SPDYA: variants seen among roughly 807,000 people sequenced by gnomAD.
SPDYA encodes the protein speedy/RINGO cell cycle regulator family member A.
SPDYA carries 11 observed loss-of-function variants against 36.7 expected under a neutral mutation model. The ratio of observed to expected loss-of-function variants is 0.30; its 90% CI spans 0.19 to 0.50. The LOEUF (loss-of-function observed/expected upper bound fraction) is 0.50, where lower values mean the gene tolerates loss of function less well. Ranked by LOEUF, SPDYA falls within the 20% of genes least tolerant of loss-of-function variation. The pLI, the probability that SPDYA is intolerant of heterozygous loss-of-function variation, is 0.98. For synonymous variants in SPDYA, 115 were observed against 118.7 expected (o/e 0.97, Z 0.20); for missense variants, 287 against 370.9 (o/e 0.77, Z 1.86).
intron 1 of SPDYA, among the ~76,000 whole-genome samples, chr2:28,812,469 A>AAAAG (rs70956046): frequency 0.5 from 74,663 of 149,104 alleles, 19,313 homozygotes; most frequent in Middle Eastern, 0.6. Context: ...TACCAAAAAA[A>AAAAG]AAAGAAAGAA....
chr2:28,844,729 T>C (rs1169210088), intron 7 of SPDYA, among the ~76,000 whole-genome samples: 2 of 151,688 alleles, frequency 1.3e-5, no homozygotes, highest in African/African-American at 2.4e-5. Flanking sequence ...AGGTCAGGAG[T>C]TCGAGATCAG....
At chr2:28,835,498 G>GTA (rs1668573652) in intron 6 of SPDYA, among the ~76,000 whole-genome samples, 1 of 152,084 alleles carries the variant, frequency 6.6e-6, no homozygotes, top group Non-Finnish European at 1.5e-5. Context: ...CAGCCTCCCA[G>GTA]AGTGCTGGGA....
At chr2:28,833,777 A>G (rs1362766405) in intron 6 of SPDYA, among the ~76,000 whole-genome samples, 5 of 152,176 alleles carry the variant, frequency 3.3e-5, no homozygotes, top group Non-Finnish European at 7.4e-5. Flanking sequence ...AGAAGAAAAC[A>G]TAGGGGTAAG....
intron 7 of SPDYA, among the ~76,000 whole-genome samples, chr2:28,849,054 A>AAC (rs1215024990): frequency 2.0e-5 from 3 of 151,998 alleles, no homozygotes. Context: ...CAAAAAAAAA[A>AAC]ACACACACAC....
chr2:28,829,923 GAC>G (rs1385450626), intron 6 of SPDYA, among the ~76,000 whole-genome samples: 2 of 123,038 alleles, frequency 1.6e-5, no homozygotes, highest in Non-Finnish European at 3.3e-5. Context: ...CAGCCTGGGC[GAC>G]AGAGCGAGAC....
chr2:28,827,220 G>A (rs1463862930), intron 5 of SPDYA, among the ~76,000 whole-genome samples: 14 of 151,990 alleles, frequency 9.2e-5, no homozygotes, highest in African/African-American at 3.1e-4. Context: ...GATTACAGGC[G>A]TGAGCCACCG....
intron 6 of SPDYA, among the ~76,000 whole-genome samples, chr2:28,838,095 T>C (rs1159503588): frequency 6.6e-6 from 1 of 151,914 alleles, no homozygotes; most frequent in African/African-American, 2.4e-5. Context: ...ATTGGGGGAC[T>C]GAAAGTGACC....
At chr2:28,840,059 T>C (rs1202794517) in intron 6 of SPDYA, 113 bp from the exon 7 acceptor site, 6 of 990,266 alleles carry the variant, frequency 6.1e-6, no homozygotes, top group Non-Finnish European at 8.7e-6. Context: ...ATCAGCAATT[T>C]GGATTTTTAT....
intron 4 of SPDYA, among the ~76,000 whole-genome samples, chr2:28,819,852 ATATATATATATATATAT>A (rs1668107863): frequency 1.7e-4 from 1 of 5,850 alleles, no homozygotes; most frequent in African/African-American, 7.4e-4. Flanking sequence ...AAAAAAAAAT[ATATATATATATATATAT>A]ATATATATAT....
intron 5 of SPDYA, among the ~76,000 whole-genome samples, chr2:28,824,575 C>A (rs183018953): frequency 3.6e-4 from 12 of 32,978 alleles, no homozygotes; most frequent in East Asian, 3.5e-3. Flanking sequence ...GTGACAGAGT[C>A]TCTCTCTGTT....
At chr2:28,824,026 C>T (rs1018880153) in intron 5 of SPDYA, among the ~76,000 whole-genome samples, 2 of 151,164 alleles carry the variant, frequency 1.3e-5, no homozygotes, top group East Asian at 2.0e-4. Flanking sequence ...GGATTACAGG[C>T]GTGAGCCACC....
intron 4 of SPDYA, among the ~76,000 whole-genome samples, chr2:28,821,373 T>C (rs775919930): frequency 6.6e-6 from 1 of 151,932 alleles, no homozygotes; most frequent in African/African-American, 2.4e-5. Flanking sequence ...CTAATTTTTC[T>C]GTATTTTTAG....
At chr2:28,819,375 G>A (rs1034436425) in intron 4 of SPDYA, among the ~76,000 whole-genome samples, 14 of 151,854 alleles carry the variant, frequency 9.2e-5, no homozygotes, top group Admixed American at 7.2e-4. Flanking sequence ...AAGTGTGGTG[G>A]CATGCACCTG....
At chr2:28,818,440 TAAAAAAAAA>T (rs372056967) in intron 3 of SPDYA, among the ~76,000 whole-genome samples, 1 of 110,012 alleles carries the variant, frequency 9.1e-6, no homozygotes, top group East Asian at 2.5e-4. Flanking sequence ...CCTGTCTCTT[TAAAAAAAAA>T]AAAAAAAAAA....
chr2:28,819,639 G>A (rs1668082249), intron 4 of SPDYA, among the ~76,000 whole-genome samples: 1 of 151,288 alleles, frequency 6.6e-6, no homozygotes, highest in Admixed American at 6.6e-5. Context: ...TTAAGGAATT[G>A]TAGAATATTA....
At chr2:28,823,264 T>C (rs1668215457) in intron 5 of SPDYA, among the ~76,000 whole-genome samples, 1 of 152,194 alleles carries the variant, frequency 6.6e-6, no homozygotes, top group Non-Finnish European at 1.5e-5. Flanking sequence ...TTTATATTCA[T>C]TGTGATCTGT....
At chr2:28,823,745 A>ATATATATATATATATATAT (rs1491479223) in intron 5 of SPDYA, among the ~76,000 whole-genome samples, 4 of 42,848 alleles carry the variant, frequency 9.3e-5, no homozygotes, top group Non-Finnish European at 1.8e-4. Flanking sequence ...ATATATATAT[A>ATATATATATATATATATAT]AAATTTTTTT....
In SPDYA at chr2:28,811,611, A is replaced by G. The variant is rs1358090563; in HGVS notation, c.-93+664A>G. Among the ~76,000 whole-genome samples the G allele has an allele frequency of 1.3e-5, 2 of 152,060 alleles. No individual in the cohort carries two copies. The highest frequency in any genetic ancestry group is 4.8e-5 in the African/African-American group (2 of 41,388). Reference sequence around the variant, plus strand: ...CCGAGTTGGGCGAATCCTTGAGGCCAGGATTCGAGAGCAGCCCACAGCGAA... The same window carrying G: ...CCGAGTTGGGCGAATCCTTGAGGCCGGGATTCGAGAGCAGCCCACAGCGAA... On this transcript the variant is annotated intron_variant, in intron 1 of 7. Coordinates refer to ENST00000334056, the MANE Select transcript of SPDYA (RefSeq NM_182756.4). This position sits in a 1 kb window ranked among gnomAD's most constrained non-coding sequence, Gnocchi z 4.2.
chr2:28,812,732 C>A (rs921745195), intron 1 of SPDYA, among the ~76,000 whole-genome samples: 1 of 151,690 alleles, frequency 6.6e-6, no homozygotes, highest in African/African-American at 2.4e-5. Flanking sequence ...TGGCAGGCTC[C>A]TGTAATCCCA....
Sources: allele counts gnomAD v4.1 joint callset (sites outside exome capture counted in the v4.1 genomes callset), GRCh38; gene constraint gnomAD v4.1.1; non-coding constraint Gnocchi (gnomAD v3.1); transcripts MANE v1.5; gene names NCBI Gene and HGNC (gene_info 2026-07-23, HGNC 2026-07-21).